Variants in ZNF285 observed in about 807,000 individuals in gnomAD.
ZNF285 encodes the protein zinc finger protein 285.
Under a neutral mutation model 6.2 loss-of-function variants are expected in ZNF285, and 4 were observed. The ratio of observed to expected loss-of-function variants is 0.65; its 90% CI spans 0.32 to 1.49. The LOEUF (loss-of-function observed/expected upper bound fraction) is 1.49. Ranked by LOEUF, ZNF285 falls within the 40% of genes most tolerant of loss-of-function variation. The pLI is 0.07. For missense variants in ZNF285, 695 were observed against 708.8 expected (o/e 0.98, Z 0.22); for synonymous variants, 240 against 245.8 (o/e 0.98, Z 0.22).
At chr19:44,388,874 C>A (rs1971144968) in intron 3 of ZNF285, among the ~76,000 whole-genome samples, 1 of 146,594 alleles carries the variant, frequency 6.8e-6, no homozygotes. Context: ...GGAGGACTAT[C>A]ACGTATGTTT....
intron 3 of ZNF285, among the ~76,000 whole-genome samples, chr19:44,390,200 T>TG (rs1264493857): frequency 0.27 from 40,905 of 151,962 alleles, 9,409 homozygotes; most frequent in African/African-American, 0.6. Context: ...ACTGACAGCT[T>TG]CACTGGGTGC....
chr19:44,393,974 G>A (rs537408196), intron 2 of ZNF285, among the ~76,000 whole-genome samples: 96 of 152,000 alleles, frequency 6.3e-4, no homozygotes, highest in East Asian at 4.1e-3. Context: ...TGTTTATTGC[G>A]GCACTATTCA....
chr19:44,386,709 A>C lies in ZNF285; in HGVS notation c.1536T>G (p.Tyr512Ter). 6.2e-7 allele frequency: 1 copy of C among 1,614,122 alleles called. No homozygotes were observed. Among genetic ancestry groups the C allele is most frequent in the Non-Finnish European group, 8.5e-7 (1 of 1,180,010 alleles). The change falls in exon 4 of 4, where the codon TAT becomes TAG. Residue 512 changes from tyrosine to a stop codon, truncating the protein, a stop_gained. Transcript: ENST00000614994. LOFTEE classifies it low-confidence loss of function (END_TRUNC). Reference protein sequence around the residue: ...HQRDHIREKPYKCDECGKGFS... With the variant: ...HQRDHIREKP ...AGCCTTTACCACACTCATCACATTT[A>C]TATGGTTTCTCTCTGATGTGATCTC... is the stretch of plus-strand genomic sequence containing the variant.
rs372788610 is a variant in ZNF285 at position 44,386,677 on chromosome 19, C to T, written c.1568G>A (p.Arg523Gln). 54 of 1,613,932 alleles carry T rather than the reference C, an allele frequency of 3.3e-5. No homozygotes were observed. The highest frequency in any genetic ancestry group is 1.7e-4 in the Middle Eastern group (1 of 6,060). ...KCDECGKGFS[R>Q]NSDLNVHLRV... Reference sequence around the variant, plus strand: ...GAGGTGAACATTAAGATCTGAATTCCGGCTGAAGCCTTTACCACACTCATC... The same window carrying T: ...GAGGTGAACATTAAGATCTGAATTCTGGCTGAAGCCTTTACCACACTCATC... The change falls in exon 4 of 4, where the codon CGG becomes CAG. Residue 523 changes from arginine (R) to glutamine (Q), a missense_variant. By Grantham distance (43) the Arg-to-Gln change is conservative (BLOSUM62 1). Transcript: ENST00000614994.
In ZNF285 at chr19:44,388,054, C is replaced by T. The variant is rs750889173; in HGVS notation, c.191G>A (p.Ser64Asn). ...NILNLQAKGL[S>N]YLSQEVLHCW... ...ATGAAGCACTTCTTGCGAAAGGTAACTTAACCCCTTTGCCTGAAGATTCAA... is the reference window on the plus strand; with the variant it reads ...ATGAAGCACTTCTTGCGAAAGGTAATTTAACCCCTTTGCCTGAAGATTCAA... Residue 64 changes from serine to asparagine, a missense_variant, in exon 4 of 4, where the codon AGT becomes AAT. By Grantham distance (46) the Ser-to-Asn change is conservative (BLOSUM62 1). Transcript: ENST00000614994. 2 of 1,614,072 alleles carry T rather than the reference C, an allele frequency of 1.2e-6. No homozygotes were observed. Among genetic ancestry groups the T allele is most frequent in the Non-Finnish European group, 8.5e-7 (1 of 1,180,002 alleles).
chr19:44,386,927 A>T lies in ZNF285; in HGVS notation c.1318T>A (p.Cys440Ser), dbSNP rs199819861. 634 of 1,610,346 alleles carry T rather than the reference A, an allele frequency of 3.9e-4. No individual in the cohort carries two copies. Among genetic ancestry groups the T allele is most frequent in the Admixed American group, 1.5e-3 (89 of 59,768 alleles). The part of the protein sequence containing the change: ...CGECGKGFSQ[C>S]THLHIHQRVH... Reference sequence around the variant, plus strand: ...CTCTGGTGAATGTGAAGGTGTGTACATTGGCTGAAGCCCTTTCCACACTCA... The same window carrying T: ...CTCTGGTGAATGTGAAGGTGTGTACTTTGGCTGAAGCCCTTTCCACACTCA... The change falls in exon 4 of 4, where the codon TGT becomes AGT. Residue 440 changes from cysteine (C) to serine (S), a missense_variant. Transcript: ENST00000614994.
intron 3 of ZNF285, among the ~76,000 whole-genome samples, chr19:44,391,537 G>A (rs1246764537): frequency 6.6e-6 from 1 of 151,926 alleles, no homozygotes; most frequent in East Asian, 1.9e-4. Flanking sequence ...CATCCTACAT[G>A]GTGGCAGGCA....
At chr19:44,397,074 T>C in intron 2 of ZNF285, 125 bp downstream of exon 2, 1 of 1,372,666 alleles carries the variant, frequency 7.3e-7, no homozygotes, top group African/African-American at 1.5e-5. Context: ...AAAGTCATTA[T>C]GAGCAGATAA....
chr19:44,387,647 C>CT lies in ZNF285; in HGVS notation c.597dup (p.Gly200ArgfsTer6). 1 of 1,613,898 alleles carries CT rather than the reference C, an allele frequency of 6.2e-7. No individual in the cohort carries two copies. Among genetic ancestry groups the CT allele is most frequent in the Non-Finnish European group, 8.5e-7 (1 of 1,179,834 alleles). On this transcript the variant is annotated frameshift_variant, in exon 4 of 4. Transcript: ENST00000614994. LOFTEE classifies it low-confidence loss of function (END_TRUNC). Reference sequence around the variant, plus strand: ...CTGGGATGTCTACCAGGGTCCTCTCCTTTACATTCTTGGGACTCATGATGA... The same window carrying CT: ...CTGGGATGTCTACCAGGGTCCTCTCCTTTTACATTCTTGGGACTCATGATGA...
At chr19:44,393,019 G>A (rs1350495539) in intron 2 of ZNF285, among the ~76,000 whole-genome samples, 1 of 152,084 alleles carries the variant, frequency 6.6e-6, no homozygotes, top group Non-Finnish European at 1.5e-5. Flanking sequence ...AGAGAAATGG[G>A]AGATTATTAG....
At chr19:44,399,516 AT>A in intron 1 of ZNF285, among the ~76,000 whole-genome samples, 1 of 150,364 alleles carries the variant, frequency 6.7e-6, no homozygotes. Flanking sequence ...ATTGGCTTGG[AT>A]ATTATACATT....
chr19:44,388,136 A>T, intron 3 of ZNF285, 34 bp from the exon 4 acceptor site: 1 of 1,583,952 alleles, frequency 6.3e-7, no homozygotes. Flanking sequence ...CTAAGAGAAC[A>T]AGTCAATCAT....
chr19:44,396,152 G>T (rs145161583), intron 2 of ZNF285, among the ~76,000 whole-genome samples: 1 of 152,180 alleles, frequency 6.6e-6, no homozygotes, highest in East Asian at 1.9e-4. Context: ...AAAGTGATAT[G>T]CTCAGAGAAA....
At chr19:44,388,149 A>C in intron 3 of ZNF285, 47 bp from the exon 4 acceptor site, 5 of 1,545,468 alleles carry the variant, frequency 3.2e-6, no homozygotes, top group Non-Finnish European at 4.4e-6. Context: ...TCAATCATCC[A>C]TCCAGAGGTT....
intron 3 of ZNF285, 108 bp downstream of exon 3, chr19:44,392,232 C>A (rs1201209873): frequency 1.3e-6 from 2 of 1,553,838 alleles, no homozygotes; most frequent in Non-Finnish European, 1.7e-6. Flanking sequence ...TAGGAGTTTT[C>A]TTTCCAGTGG....
At chr19:44,390,055 C>CTCCCATAATTCCCACGTGTCGTG (rs1417068456) in intron 3 of ZNF285, among the ~76,000 whole-genome samples, 20 of 152,146 alleles carry the variant, frequency 1.3e-4, no homozygotes, top group African/African-American at 4.6e-4. Flanking sequence ...TGAATTGTAA[C>CTCCCATAATTCCCACGTGTCGTG]TCCCATAATT....
At chr19:44,398,883 A>C (rs1228169059) in intron 1 of ZNF285, among the ~76,000 whole-genome samples, 1 of 152,122 alleles carries the variant, frequency 6.6e-6, no homozygotes, top group Non-Finnish European at 1.5e-5. Context: ...TTCTCACACT[A>C]TCTGTGATAA....
In ZNF285 at chr19:44,387,747, A is replaced by G. The variant is rs749963809; in HGVS notation, c.498T>C (p.Tyr166=). 19 of 1,613,606 alleles carry G rather than the reference A, an allele frequency of 1.2e-5. No individual in the cohort carries two copies. In the Admixed American group the frequency reaches 3.0e-4, roughly 25 times the overall value. Residue 166 remains tyrosine (Y), a synonymous_variant, in exon 4 of 4, where the codon TAT becomes TAC. Transcript: ENST00000614994. ...MTEPQNSQGR[Y]KGIYMEEKLY... is the part of the protein sequence containing the mutation. ...ATTTCTCTTCCATGTAAATTCCCTT[A>G]TATCTTCCCTGAGAGTTCTGGGGCT... is the stretch of plus-strand genomic sequence containing the variant.
In ZNF285 at chr19:44,388,069, T is replaced by C; in HGVS notation, c.176A>G (p.Gln59Arg). ...DGIKNNILNL[Q>R]AKGLSYLSQE... ...CGAAAGGTAACTTAACCCCTTTGCC[T>C]GAAGATTCAAAATGTTGTTTTTAAT... The change falls in exon 4 of 4, where the codon CAG (glutamine) becomes CGG (arginine). Residue 59 changes from glutamine (Q) to arginine (R), a missense_variant. Gln to Arg is a conservative substitution (Grantham distance 43, BLOSUM62 1). Coordinates refer to ENST00000614994, the MANE Select transcript of ZNF285 (RefSeq NM_152354.6). 1 of 1,613,476 alleles carries C rather than the reference T, an allele frequency of 6.2e-7. No homozygotes were observed.
Sources: allele counts gnomAD v4.1 joint callset (sites outside exome capture counted in the v4.1 genomes callset), GRCh38; gene constraint gnomAD v4.1.1; transcripts MANE v1.5; gene names NCBI Gene and HGNC (gene_info 2026-07-23, HGNC 2026-07-21).